ACSL6: variants seen among roughly 807,000 people sequenced by gnomAD.
ACSL6 encodes the protein acyl-CoA synthetase long chain family member 6, also known as long-chain-fatty-acid--CoA ligase 6.
In ACSL6, 47 loss-of-function variants were observed where a neutral mutation model predicts 98.2. That is an observed-to-expected ratio of 0.48 (90% CI 0.38 to 0.61). The LOEUF (loss-of-function observed/expected upper bound fraction) is 0.61. Among genes scored for constraint, ACSL6 ranks in the 20% least tolerant of loss-of-function variants. ACSL6 has a pLI of 0.00. For synonymous variants in ACSL6, 362 were observed against 336.9 expected, an observed-to-expected ratio of 1.07 and a Z score of -0.82; for missense variants, 761 against 913.4, an observed-to-expected ratio of 0.83 and a Z score of 2.15.
At chr5:131,998,512 T>C (rs1288272157) in intron 1 of ACSL6, among the ~76,000 whole-genome samples, 1 of 152,086 alleles carries the variant, frequency 6.6e-6, no homozygotes, top group African/African-American at 2.4e-5. Flanking sequence ...ATATGTTGGC[T>C]CCAATGTGGT....
Position 131,960,582 on chromosome 5 carries a change from T to C in ACSL6, c.1897A>G (p.Met633Val). The C allele has an allele frequency of 1.2e-6, 2 of 1,614,124 alleles. No individual in the cohort carries two copies. Among genetic ancestry groups the C allele is most frequent in the Non-Finnish European group, 1.7e-6 (2 of 1,180,022 alleles). The change falls in exon 19 of 21, where the codon ATG (methionine) becomes GTG (valine). Residue 633 changes from methionine (M) to valine (V), a missense_variant. Met to Val is a conservative substitution (Grantham distance 21, BLOSUM62 1). Coordinates refer to ENST00000651883, the MANE Select transcript of ACSL6 (RefSeq NM_001009185.3). Reference protein sequence around the residue: ...VGIVVPDPEVMPSWAQKRGIE... With the variant: ...VGIVVPDPEVVPSWAQKRGIE... ...CCTCTCTTCTGGGCCCAGGAGGGCA[T>C]AACTTCAGGGTCAGGCACAACAATG...
intron 9 of ACSL6, chr5:131,981,876 G>A (rs1753911891): frequency 6.6e-6 from 1 of 150,490 alleles, no homozygotes; most frequent in Non-Finnish European, 1.5e-5. Context: ...CTTTTTTTTT[G>A]TGATGGAGTC....
Position 131,974,946 on chromosome 5 carries a change from C to T in ACSL6, c.1015G>A (p.Asp339Asn), listed in dbSNP as rs755156454. The T allele has an allele frequency of 5.0e-6, 8 of 1,613,882 alleles. No homozygotes were observed. The African/African-American group carries it at 8.0e-5, about 16-fold the overall frequency. Reference protein sequence around the residue: ...TEKVIFPRQDDVLISFLPLAH... With the variant: ...TEKVIFPRQDNVLISFLPLAH... Reference sequence around the variant, plus strand: ...AGAGGCAGGAAGGAGATGAGCACATCGTCCTGTCTCGGAAAGATCACTTTC... The same window carrying T: ...AGAGGCAGGAAGGAGATGAGCACATTGTCCTGTCTCGGAAAGATCACTTTC... The change falls in exon 11 of 21, where the codon GAT (aspartate) becomes AAT (asparagine). Residue 339 changes from aspartate (D) to asparagine (N), a missense_variant. Asp to Asn is a conservative substitution (Grantham distance 23, BLOSUM62 1). Transcript: ENST00000651883.
chr5:132,007,590 T>C (rs1468486767), intron 1 of ACSL6, among the ~76,000 whole-genome samples: 4 of 152,164 alleles, frequency 2.6e-5, no homozygotes, highest in Non-Finnish European at 5.9e-5. Context: ...GGGCCTCACC[T>C]AGGCAATGGG....
rs980024152 is a variant in ACSL6, at chr5:132,011,022, C to T, written c.49+483G>A. 6.6e-6 allele frequency among the ~76,000 whole-genome samples: 1 copy of T among 152,082 alleles called. No homozygotes were observed. The highest frequency in any genetic ancestry group is 1.5e-5 in the Non-Finnish European group (1 of 68,000). On this transcript the variant is annotated intron_variant, in intron 1 of 20. Coordinates refer to ENST00000651883, the MANE Select transcript of ACSL6 (RefSeq NM_001009185.3). The surrounding 1 kb of genome is among the most constrained non-coding windows in gnomAD (Gnocchi z 5.4). The stretch of plus-strand genomic sequence containing the variant: ...GAAATCTTGTACTCTGGCTGAAGGA[C>T]GGGCAGGGAGGGGTCGTGAGGAAGC...
At chr5:131,986,719 T>C in intron 8 of ACSL6, 103 bp downstream of exon 8, 2 of 1,427,370 alleles carry the variant, frequency 1.4e-6, no homozygotes, top group South Asian at 2.3e-5. Flanking sequence ...CAGGAGTTGC[T>C]TATTAACACA....
Position 131,972,825 on chromosome 5 carries a change from A to G in ACSL6, c.1237T>C (p.Trp413Arg), listed in dbSNP as rs1169170299. 2 of 1,613,598 alleles carry G rather than the reference A, an allele frequency of 1.2e-6. No homozygotes were observed. Among genetic ancestry groups the G allele is most frequent in the East Asian group, 2.2e-5 (1 of 44,874 alleles). Residue 413 changes from tryptophan (W) to arginine (R), a missense_variant, in exon 13 of 21, where the codon TGG becomes CGG. Transcript: ENST00000651883. ...CGCTTTGCTGCAAACTCCAGGAGCC[A>G]GCGCTTTAATGGTGTGTTTGCCTGG... ...FSQANTPLKR[W>R]LLEFAAKRKQ...
chr5:131,966,558 C>G (rs1338839851), intron 16 of ACSL6, 26 bp from the exon 17 acceptor site: 1 of 1,592,944 alleles, frequency 6.3e-7, no homozygotes, highest in South Asian at 1.1e-5. Context: ...CATGGCTTCT[C>G]TCAGCCACAT....
intron 20 of ACSL6, among the ~76,000 whole-genome samples, chr5:131,955,285 A>G (rs1752341089): frequency 6.6e-6 from 1 of 152,216 alleles, no homozygotes; most frequent in South Asian, 2.1e-4. Flanking sequence ...TCAAAATCAG[A>G]TATGGTTATT....
intron 1 of ACSL6, among the ~76,000 whole-genome samples, chr5:132,009,776 C>T (rs567501695): frequency 6.6e-6 from 1 of 152,270 alleles, no homozygotes; most frequent in African/African-American, 2.4e-5. Flanking sequence ...GAGTCAGTGC[C>T]AGCTAACCCT....
chr5:131,959,156 C>T (rs1470188331), intron 20 of ACSL6, among the ~76,000 whole-genome samples: 2 of 152,102 alleles, frequency 1.3e-5, no homozygotes, highest in Admixed American at 1.3e-4. Flanking sequence ...TTCCAGTGTC[C>T]TCCTAACAAG....
intron 6 of ACSL6, 147 bp downstream of exon 6, chr5:131,988,658 A>G: frequency 6.2e-7 from 1 of 1,605,582 alleles, no homozygotes; most frequent in Non-Finnish European, 8.5e-7. Context: ...CAGGAAGCCA[A>G]CTCAGGAGCC....
At position 131,951,581 on chromosome 5, in the gene ACSL6, G is replaced by GT. The variant is rs565819711; in HGVS notation, c.*2652dup. ...GGCAAAAAGAAGAAACCTTGTTTTTGTTTTTTTTTTTTCTTTCTTTTTGAG... is the reference window on the plus strand; with the variant it reads ...GGCAAAAAGAAGAAACCTTGTTTTTGTTTTTTTTTTTTTCTTTCTTTTTGAG... On this transcript the variant is annotated 3_prime_UTR_variant, in exon 21 of 21. Transcript: ENST00000651883. 7,201 of 168,128 alleles carry GT rather than the reference G, an allele frequency of 0.043. 3 individuals are homozygous for GT. Among genetic ancestry groups the GT allele is most frequent in the East Asian group, 0.15 (1,372 of 9,246 alleles). 10.4% of individuals were successfully genotyped at this position (168,128 alleles called of 1,614,324 possible).
chr5:132,011,867 C>G, upstream of ACSL6: 3 of 1,524,286 alleles, frequency 2.0e-6, no homozygotes, highest in Non-Finnish European at 2.6e-6. The surrounding 1 kb of genome is among the most constrained non-coding windows in gnomAD (Gnocchi z 5.4). Flanking sequence ...GGGGCCCGGC[C>G]GCAGAGCGAA....
intron 1 of ACSL6, 113 bp from the exon 2 acceptor site, chr5:131,994,364 G>T (rs937552296): frequency 2.2e-6 from 2 of 903,878 alleles, no homozygotes; most frequent in Admixed American, 2.2e-5. Context: ...AGGCCCTCGG[G>T]GAGTTGGGAT....
At position 131,985,441 on chromosome 5, in the gene ACSL6, G is replaced by A. The variant is rs1754124740; in HGVS notation, c.882C>T (p.Asp294=). 1.2e-6 allele frequency: 2 copies of A among 1,613,904 alleles called. No individual in the cohort carries two copies. The highest frequency in any genetic ancestry group is 2.7e-5 in the African/African-American group (2 of 74,934). Reference sequence around the variant, plus strand: ...CGCTTGTGAAACACACAATGGAGAGGTCATCAGGCTGCGGGGGCTGCAGGG... The same window carrying A: ...CGCTTGTGAAACACACAATGGAGAGATCATCAGGCTGCGGGGGCTGCAGGG... The part of the protein sequence containing the change: ...HQAPVPPQPD[D]LSIVCFTSGT... Residue 294 remains aspartate (D), a synonymous_variant, in exon 9 of 21, where the codon GAC becomes GAT. Coordinates refer to ENST00000651883, the MANE Select transcript of ACSL6 (RefSeq NM_001009185.3).
At chr5:131,997,879 C>T (rs761570464) in intron 1 of ACSL6, among the ~76,000 whole-genome samples, 3 of 152,212 alleles carry the variant, frequency 2.0e-5, no homozygotes, top group Non-Finnish European at 4.4e-5. Context: ...GAACTGCTTG[C>T]GTTTACACTG....
At chr5:131,973,575 C>T in intron 11 of ACSL6, 175 bp from the exon 12 acceptor site, 1 of 541,304 alleles carries the variant, frequency 1.8e-6, no homozygotes, top group Non-Finnish European at 3.1e-6. Flanking sequence ...CACCCCCTCA[C>T]CTTCCAACCA....
At chr5:132,005,827 T>A (rs149401982) in intron 1 of ACSL6, among the ~76,000 whole-genome samples, 1 of 152,192 alleles carries the variant, frequency 6.6e-6, no homozygotes, top group Non-Finnish European at 1.5e-5. Context: ...GTGCTGAGAG[T>A]GAGGCGGGGT....
Sources: allele counts gnomAD v4.1 joint callset (sites outside exome capture counted in the v4.1 genomes callset), GRCh38; gene constraint gnomAD v4.1.1; non-coding constraint Gnocchi (gnomAD v3.1); transcripts MANE v1.5; gene names NCBI Gene and HGNC (gene_info 2026-07-23, HGNC 2026-07-21).